The following CALN1 variants were observed in gnomAD, a reference collection of about 807,000 sequenced individuals.
CALN1 encodes calneuron 1, also known as calcium-binding protein 8.
Under a neutral mutation model 30.6 loss-of-function variants are expected in CALN1, and 17 were observed. That is an observed-to-expected ratio of 0.56 (90% CI 0.38 to 0.83). The LOEUF is 0.83. Ranked by LOEUF, CALN1 falls within the 40% of genes least tolerant of loss-of-function variation. CALN1 has a pLI of 0.00. For synonymous variants in CALN1, 156 were observed against 131.4 expected, an observed-to-expected ratio of 1.19 and a Z score of -1.28; for missense variants, 291 against 354.9, an observed-to-expected ratio of 0.82 and a Z score of 1.45.
intron 3 of CALN1, among the ~76,000 whole-genome samples, chr7:72,250,965 T>A (rs140335577): frequency 6.6e-6 from 1 of 152,306 alleles, no homozygotes; most frequent in Non-Finnish European, 1.5e-5. Context: ...CTTTCCTTTA[T>A]CCTTGGCTGT....
At chr7:72,230,342 T>TAA (rs3032182) in intron 3 of CALN1, among the ~76,000 whole-genome samples, 5 of 124,852 alleles carry the variant, frequency 4.0e-5, no homozygotes, top group African/African-American at 9.1e-5. Context: ...CAATAGATAC[T>TAA]AAAAAAAAAA....
chr7:71,879,650 G>A (rs1284986145), intron 5 of CALN1, among the ~76,000 whole-genome samples: 1 of 152,206 alleles, frequency 6.6e-6, no homozygotes, highest in Non-Finnish European at 1.5e-5. Context: ...ATACTCTGAA[G>A]AGCTCCAGGG....
chr7:72,271,563 T>TAAAAAAAAAAAAAAAAAAA (rs1426004146), intron 3 of CALN1, among the ~76,000 whole-genome samples: 3 of 76,308 alleles, frequency 3.9e-5, no homozygotes, highest in African/African-American at 2.4e-4. Flanking sequence ...TGCCTGCCTT[T>TAAAAAAAAAAAAAAAAAAA]TAAAAAAAAA....
intron 1 of CALN1, among the ~76,000 whole-genome samples, chr7:72,435,627 T>C (rs931320395): frequency 2.0e-5 from 3 of 152,204 alleles, no homozygotes; most frequent in African/African-American, 7.2e-5. Context: ...TTTGTGAACG[T>C]GCTGTCCCAC....
chr7:72,479,552 A>ATTTTTTTTT, the CALN1 span, among the ~76,000 whole-genome samples: 1 of 130,778 alleles, frequency 7.6e-6, no homozygotes, highest in African/African-American at 2.9e-5. Flanking sequence ...TTATAGCACA[A>ATTTTTTTTT]TTTTTTTTTT....
chr7:72,473,031 G>T, the CALN1 span, among the ~76,000 whole-genome samples: 1 of 152,050 alleles, frequency 6.6e-6, no homozygotes, highest in African/African-American at 2.4e-5. Context: ...CTGGGCCAGG[G>T]TCCACACTGG....
At position 72,016,973 on chromosome 7, in the gene CALN1, C is replaced by T. The variant is rs1412091244; in HGVS notation, c.501+6684G>A. On this transcript the variant is annotated intron_variant, in intron 5 of 6. Transcript: ENST00000395275. ...CTCAAGACCAGCCTGGCCAAGGTGG[C>T]AAAACCCCGTGTTTACTAAAAATAC... Among the ~76,000 whole-genome samples, 6 of 94,116 alleles carry T rather than the reference C, an allele frequency of 6.4e-5. No homozygotes were observed. In the South Asian group the frequency reaches 1.8e-3, roughly 28 times the overall value. 61.7% of individuals were successfully genotyped at this position (94,116 alleles called of 152,430 possible). A position where few individuals can be genotyped will look rare whatever the true frequency, so the allele number is the denominator to read the frequency against.
intron 3 of CALN1, among the ~76,000 whole-genome samples, chr7:72,167,064 T>A (rs549609600): frequency 6.6e-6 from 1 of 151,580 alleles, no homozygotes; most frequent in African/African-American, 2.4e-5. Flanking sequence ...AAAAAGAAAA[T>A]ACCAAGGCAA....
intron 2 of CALN1, among the ~76,000 whole-genome samples, chr7:72,389,850 C>T (rs1012744383): frequency 1.9e-4 from 28 of 151,178 alleles, no homozygotes; most frequent in African/African-American, 5.6e-4. Flanking sequence ...ACCCGGGAGG[C>T]GGAGGTTGCA....
At chr7:72,049,215 C>T (rs552330380) in intron 4 of CALN1, among the ~76,000 whole-genome samples, 54 of 152,102 alleles carry the variant, frequency 3.6e-4, no homozygotes, top group African/African-American at 1.3e-3. Flanking sequence ...AACCTACAGC[C>T]CCAACCTAGT....
chr7:72,166,126 A>C (rs1450647541), intron 3 of CALN1, among the ~76,000 whole-genome samples: 1 of 152,196 alleles, frequency 6.6e-6, no homozygotes, highest in Non-Finnish European at 1.5e-5. Context: ...TAAAAACATT[A>C]GAAGAAAGCT....
At chr7:72,205,152 G>A (rs1585158674) in intron 3 of CALN1, among the ~76,000 whole-genome samples, 1 of 151,520 alleles carries the variant, frequency 6.6e-6, no homozygotes. Flanking sequence ...TTCATTTTGT[G>A]CAAAACCTGT....
At chr7:72,442,417 G>T (rs1010536052) in intron 1 of CALN1, among the ~76,000 whole-genome samples, 2 of 152,230 alleles carry the variant, frequency 1.3e-5, no homozygotes, top group Non-Finnish European at 2.9e-5. Context: ...ATTTAGGATT[G>T]CACTTTATTA....
intron 4 of CALN1, among the ~76,000 whole-genome samples, chr7:72,037,333 G>A (rs1233895874): frequency 6.6e-6 from 1 of 152,018 alleles, no homozygotes; most frequent in Non-Finnish European, 1.5e-5. Flanking sequence ...TGTATTTTTA[G>A]TAGAGATGGG....
At chr7:72,122,513 G>A (rs965437437) in intron 3 of CALN1, among the ~76,000 whole-genome samples, 1 of 152,132 alleles carries the variant, frequency 6.6e-6, no homozygotes, top group African/African-American at 2.4e-5. Flanking sequence ...AAGGTGTGAG[G>A]ATGACTTGAG....
At chr7:71,909,967 T>C (rs371193362) in intron 5 of CALN1, among the ~76,000 whole-genome samples, 2 of 152,062 alleles carry the variant, frequency 1.3e-5, no homozygotes, top group African/African-American at 4.8e-5. Flanking sequence ...CCAATCATGG[T>C]GTAAGGTAAA....
intron 3 of CALN1, among the ~76,000 whole-genome samples, chr7:72,260,173 T>G (rs924157274): frequency 1.3e-5 from 2 of 152,188 alleles, no homozygotes; most frequent in Non-Finnish European, 2.9e-5. Context: ...CACTTCAGCC[T>G]GGGAGACAGA....
chr7:72,165,877 T>C (rs976138850), intron 3 of CALN1, among the ~76,000 whole-genome samples: 1 of 152,084 alleles, frequency 6.6e-6, no homozygotes, highest in African/African-American at 2.4e-5. Flanking sequence ...TCAATTCAGA[T>C]GGAAACCCTT....
In CALN1 at chr7:71,798,951, C is replaced by T. The variant is rs997639631; in HGVS notation, c.659-11049G>A. ...GAGTCTTGATGAATATCCTTGATAC[C>T]CCCAATGTGGGCAGTGATTTGACTC... is the stretch of plus-strand genomic sequence containing the variant. On this transcript the variant is annotated intron_variant, in intron 6 of 6. Coordinates refer to ENST00000395275, the MANE Select transcript of CALN1 (RefSeq NM_031468.4). 2.0e-5 allele frequency among the ~76,000 whole-genome samples: 3 copies of T among 152,050 alleles called. No homozygotes were observed. In the East Asian group the frequency reaches 5.8e-4, roughly 29 times the overall value.
Sources: allele counts gnomAD v4.1 joint callset (sites outside exome capture counted in the v4.1 genomes callset), GRCh38; gene constraint gnomAD v4.1.1; transcripts MANE v1.5; gene names NCBI Gene and HGNC (gene_info 2026-07-23, HGNC 2026-07-21).